Variants in GAS2L3 observed in about 807,000 individuals in gnomAD.
The protein encoded by GAS2L3 is GAS2-like protein 3.
GAS2L3 carries 28 observed loss-of-function variants against 37.0 expected under a neutral mutation model. The observed-to-expected ratio is 0.76, with a 90% CI of 0.56 to 1.04. The LOEUF (loss-of-function observed/expected upper bound fraction) is 1.04, where lower values mean the gene tolerates loss of function less well. Ranked by LOEUF, GAS2L3 falls within the 50% of genes least tolerant of loss-of-function variation. The pLI is 0.00. For synonymous variants in GAS2L3, 290 were observed against 296.6 expected, an observed-to-expected ratio of 0.98 and a Z score of 0.23; for missense variants, 793 against 817.6, an observed-to-expected ratio of 0.97 and a Z score of 0.37.
At chr12:100,575,074 T>G (rs1322517794) in intron 1 of GAS2L3, among the ~76,000 whole-genome samples, 2 of 152,192 alleles carry the variant, frequency 1.3e-5, no homozygotes, top group African/African-American at 4.8e-5. Flanking sequence ...TATTTAATCC[T>G]TCTAAGCCTA....
intron 1 of GAS2L3, among the ~76,000 whole-genome samples, chr12:100,590,991 C>T (rs35691): frequency 0.51 from 77,711 of 151,682 alleles, 20,335 homozygotes; most frequent in South Asian, 0.7. Flanking sequence ...GTATACTGCT[C>T]GGGTGATGGA....
At chr12:100,595,860 G>T (rs1384362830) in intron 3 of GAS2L3, among the ~76,000 whole-genome samples, 1 of 152,012 alleles carries the variant, frequency 6.6e-6, no homozygotes, top group African/African-American at 2.4e-5. Flanking sequence ...AAGTTTGGTT[G>T]TATCCTTGAT....
At chr12:100,589,952 A>G (rs1310040537) in intron 1 of GAS2L3, among the ~76,000 whole-genome samples, 1 of 152,226 alleles carries the variant, frequency 6.6e-6, no homozygotes, top group Non-Finnish European at 1.5e-5. Flanking sequence ...CTGAAACTAT[A>G]AAAATTCTAG....
intron 6 of GAS2L3, among the ~76,000 whole-genome samples, chr12:100,616,202 A>G (rs979995625): frequency 6.6e-5 from 10 of 152,136 alleles, no homozygotes; most frequent in Non-Finnish European, 1.2e-4. Context: ...CAATTCTGTG[A>G]TTAGGTTTAC....
intron 6 of GAS2L3, among the ~76,000 whole-genome samples, chr12:100,617,526 T>C (rs1282085484): frequency 6.6e-6 from 1 of 152,178 alleles, no homozygotes; most frequent in Non-Finnish European, 1.5e-5. Context: ...TAAAGGTCCA[T>C]GGTAATTTTT....
At chr12:100,583,217 A>G (rs757827542) in intron 1 of GAS2L3, among the ~76,000 whole-genome samples, 1 of 152,224 alleles carries the variant, frequency 6.6e-6, no homozygotes, top group African/African-American at 2.4e-5. Flanking sequence ...GTCCACTAGG[A>G]AAATCTCCCA....
intron 3 of GAS2L3, among the ~76,000 whole-genome samples, chr12:100,596,038 G>T (rs1955907680): frequency 6.6e-6 from 1 of 151,918 alleles, no homozygotes; most frequent in Non-Finnish European, 1.5e-5. Context: ...GAACAGCCCT[G>T]CATGTGACCC....
rs1956326500 is a variant in GAS2L3, at chr12:100,625,809, T to C, written c.*919T>C. 6.6e-6 allele frequency: 1 copy of C among 152,236 alleles called. No homozygotes were observed. Among genetic ancestry groups the C allele is most frequent in the South Asian group, 2.1e-4 (1 of 4,836 alleles). 9.4% of individuals were successfully genotyped at this position (152,236 alleles called of 1,614,324 possible). On this transcript the variant is annotated 3_prime_UTR_variant, in exon 10 of 10. Coordinates refer to ENST00000547754, the MANE Select transcript of GAS2L3 (RefSeq NM_174942.3). ...TTTAACAACTTTAAAATTAAGATGATGTTAAAATAATTTTAGAGTTATGCT... is the reference window on the plus strand; with the variant it reads ...TTTAACAACTTTAAAATTAAGATGACGTTAAAATAATTTTAGAGTTATGCT...
chr12:100,578,685 A>G, intron 1 of GAS2L3: 3 of 351,850 alleles, frequency 8.5e-6, no homozygotes, highest in Non-Finnish European at 1.6e-5. Flanking sequence ...CTCGCTGGTA[A>G]TAGAGGACAC....
intron 9 of GAS2L3, among the ~76,000 whole-genome samples, chr12:100,622,884 G>GAT (rs1465390756): frequency 1.3e-5 from 2 of 150,194 alleles, no homozygotes; most frequent in East Asian, 3.9e-4. Context: ...CCAGTATGCT[G>GAT]ATATATATGT....
At chr12:100,577,271 T>G (rs1955648753) in intron 1 of GAS2L3, among the ~76,000 whole-genome samples, 1 of 152,222 alleles carries the variant, frequency 6.6e-6, no homozygotes, top group Non-Finnish European at 1.5e-5. Flanking sequence ...TCCCTGTTAA[T>G]GGATAGTTAG....
intron 1 of GAS2L3, chr12:100,580,136 C>T: frequency 7.3e-6 from 6 of 824,458 alleles, no homozygotes; most frequent in Admixed American, 3.4e-5. Flanking sequence ...GGTGCCTGGA[C>T]TCATAAATGT....
At chr12:100,598,275 A>C (rs2136455089) in intron 3 of GAS2L3, among the ~76,000 whole-genome samples, 1 of 152,236 alleles carries the variant, frequency 6.6e-6, no homozygotes, top group South Asian at 2.1e-4. Context: ...ATGTCTCTTT[A>C]GTTATTAGGC....
intron 5 of GAS2L3, among the ~76,000 whole-genome samples, chr12:100,603,228 A>G (rs1387934176): frequency 2.0e-5 from 3 of 152,230 alleles, no homozygotes; most frequent in Non-Finnish European, 4.4e-5. Flanking sequence ...ACTGTTCTCC[A>G]CAGTGGCTGT....
chr12:100,618,817 G>C (rs1956219827), intron 8 of GAS2L3: 1 of 425,240 alleles, frequency 2.4e-6, no homozygotes, highest in African/African-American at 2.1e-5. Flanking sequence ...GGAGTGGTGG[G>C]GCAAACAGAT....
intron 9 of GAS2L3, 123 bp from the exon 10 acceptor site, chr12:100,623,439 A>C (rs994169628): frequency 4.2e-5 from 30 of 722,766 alleles, no homozygotes; most frequent in Non-Finnish European, 6.6e-5. Flanking sequence ...ATTTGTAGTG[A>C]GGCTGTTGGC....
intron 1 of GAS2L3, among the ~76,000 whole-genome samples, chr12:100,587,119 T>G (rs1005091731): frequency 1.3e-5 from 2 of 152,138 alleles, no homozygotes; most frequent in Non-Finnish European, 2.9e-5. Context: ...CAGGACAAGA[T>G]AGATTCACAA....
intron 1 of GAS2L3, among the ~76,000 whole-genome samples, chr12:100,584,254 T>C (rs1032743412): frequency 6.6e-6 from 1 of 152,108 alleles, no homozygotes; most frequent in Admixed American, 6.5e-5. Flanking sequence ...TAATCAGAAT[T>C]AATTCAGGCC....
chr12:100,590,928 G>C (rs370364953), intron 1 of GAS2L3, among the ~76,000 whole-genome samples: 1 of 151,560 alleles, frequency 6.6e-6, no homozygotes, highest in Non-Finnish European at 1.5e-5. Context: ...TGGGGACTTG[G>C]GGGGAAGAGT....
Sources: allele counts gnomAD v4.1 joint callset (sites outside exome capture counted in the v4.1 genomes callset), GRCh38; gene constraint gnomAD v4.1.1; transcripts MANE v1.5; gene names NCBI Gene and HGNC (gene_info 2026-07-23, HGNC 2026-07-21).